Variants in PTGER3 observed in about 807,000 individuals in gnomAD.
PTGER3 encodes the protein prostaglandin E2 receptor EP3 subtype.
PTGER3 carries 22 observed loss-of-function variants against 34.7 expected under a neutral mutation model. That is an observed-to-expected ratio of 0.63 (90% CI 0.45 to 0.91). The LOEUF (loss-of-function observed/expected upper bound fraction) is 0.91, where lower values mean the gene tolerates loss of function less well. Among genes scored for constraint, PTGER3 ranks in the 40% least tolerant of loss-of-function variants. The pLI is 0.00. For missense variants in PTGER3, 468 were observed against 519.4 expected, an observed-to-expected ratio of 0.90 and a Z score of 0.96; for synonymous variants, 241 against 230.1, an observed-to-expected ratio of 1.05 and a Z score of -0.43.
downstream of PTGER3, among the ~76,000 whole-genome samples, chr1:70,968,977 C>A (rs920550074): frequency 6.6e-6 from 1 of 152,022 alleles, no homozygotes; most frequent in South Asian, 2.1e-4. Context: ...GGGGTTGAGG[C>A]GAGTGGATCA....
At chr1:70,999,040 C>T (rs1411227804) in intron 2 of PTGER3, among the ~76,000 whole-genome samples, 1 of 152,136 alleles carries the variant, frequency 6.6e-6, no homozygotes, top group East Asian at 1.9e-4. Context: ...ATTAGCCGGG[C>T]GTGGTGGCGG....
At chr1:71,004,914 A>G (rs982015390) in intron 2 of PTGER3, among the ~76,000 whole-genome samples, 4 of 152,360 alleles carry the variant, frequency 2.6e-5, no homozygotes, top group African/African-American at 9.6e-5. Context: ...ATGCCAGAAC[A>G]GTGCCTATGT....
At chr1:70,861,751 G>A (rs934311711) in intron 4 of PTGER3, among the ~76,000 whole-genome samples, 1 of 151,532 alleles carries the variant, frequency 6.6e-6, no homozygotes, top group South Asian at 2.1e-4. Flanking sequence ...CTTGCTGTGT[G>A]TTTCTCTCTC....
chr1:71,027,768 T>C (rs1288859017), intron 1 of PTGER3, among the ~76,000 whole-genome samples: 3 of 152,124 alleles, frequency 2.0e-5, no homozygotes, highest in Non-Finnish European at 2.9e-5. Context: ...TGAATTTTAA[T>C]TCACCCAATA....
chr1:70,938,864 C>T (rs1398563225), intron 4 of PTGER3, among the ~76,000 whole-genome samples: 1 of 152,088 alleles, frequency 6.6e-6, no homozygotes, highest in Non-Finnish European at 1.5e-5. Context: ...GGGACATGGC[C>T]AAACCATATG....
At chr1:70,868,272 T>C (rs753079880) in intron 4 of PTGER3, among the ~76,000 whole-genome samples, 1 of 152,166 alleles carries the variant, frequency 6.6e-6, no homozygotes, top group Non-Finnish European at 1.5e-5. Flanking sequence ...TGAGAAGACT[T>C]GGGCTTTTCC....
chr1:71,009,738 T>C (rs1657278639), intron 2 of PTGER3: 2 of 985,210 alleles, frequency 2.0e-6, no homozygotes, highest in Non-Finnish European at 2.4e-6. Context: ...TGTCATAATC[T>C]ATACATGCAT....
chr1:71,007,298 T>TA lies in PTGER3; in HGVS notation c.1077+5006dup, dbSNP rs1244222580. The TA allele has an allele frequency of 6.4e-5, 63 of 985,728 alleles. No individual in the cohort carries two copies. The African/African-American group carries it at 1.0e-3, about 16-fold the overall frequency. 61.1% of individuals were successfully genotyped at this position (985,728 alleles called of 1,614,324 possible). On this transcript the variant is annotated intron_variant, in intron 2 of 3. Coordinates refer to ENST00000306666, the MANE Select transcript of PTGER3 (RefSeq NM_198719.2). ...CAGTGCCTATTTTAATTGGTTTGCT[T>TA]AAACAGGCTTACACTATTTGTACAA...
intron 4 of PTGER3, among the ~76,000 whole-genome samples, chr1:70,854,499 G>A (rs995802788): frequency 1.1e-4 from 16 of 152,134 alleles, no homozygotes; most frequent in Admixed American, 9.8e-4. Context: ...TGTCAGAGGA[G>A]GGGCCTGGTG....
chr1:70,876,852 C>T (rs988624576), intron 4 of PTGER3, among the ~76,000 whole-genome samples: 33 of 152,166 alleles, frequency 2.2e-4, no homozygotes, highest in Non-Finnish European at 4.7e-4. Context: ...CTTTTGATTA[C>T]TGTAGCCTTG....
intron 1 of PTGER3, among the ~76,000 whole-genome samples, chr1:71,043,663 T>C (rs1195313915): frequency 6.6e-6 from 1 of 152,228 alleles, no homozygotes; most frequent in Non-Finnish European, 1.5e-5. Context: ...TCTCTCATTT[T>C]AACACTAATA....
chr1:70,909,570 G>A (rs1647020532), intron 4 of PTGER3, among the ~76,000 whole-genome samples: 2 of 152,156 alleles, frequency 1.3e-5, no homozygotes, highest in South Asian at 2.1e-4. Context: ...TATTTTTGAA[G>A]CTCCTCAAGT....
intron 4 of PTGER3, among the ~76,000 whole-genome samples, chr1:70,858,714 C>T (rs759520705): frequency 6.6e-6 from 1 of 152,178 alleles, no homozygotes; most frequent in Non-Finnish European, 1.5e-5. Flanking sequence ...TATCAATATG[C>T]CCTGGGGTCC....
intron 4 of PTGER3, among the ~76,000 whole-genome samples, chr1:70,896,885 G>C (rs1646731574): frequency 6.6e-6 from 1 of 152,124 alleles, no homozygotes; most frequent in Non-Finnish European, 1.5e-5. Context: ...CCAAACCTCA[G>C]AAAATATCCC....
chr1:70,909,537 C>A (rs1364351223), intron 4 of PTGER3, among the ~76,000 whole-genome samples: 1 of 152,134 alleles, frequency 6.6e-6, no homozygotes, highest in Non-Finnish European at 1.5e-5. Flanking sequence ...TGAGTAAATG[C>A]AGAAGATCTC....
intron 4 of PTGER3, among the ~76,000 whole-genome samples, chr1:70,944,592 TA>T (rs1295747751): frequency 6.6e-6 from 1 of 152,140 alleles, no homozygotes. Flanking sequence ...AAAGTCCAGA[TA>T]AACATGGATA....
chr1:70,889,868 CTT>C (rs200848374), intron 4 of PTGER3, among the ~76,000 whole-genome samples: 24 of 143,932 alleles, frequency 1.7e-4, no homozygotes, highest in Admixed American at 2.1e-4. Context: ...GGACAGTTTA[CTT>C]TTTTTTTTTT....
intron 4 of PTGER3, among the ~76,000 whole-genome samples, chr1:70,946,600 C>G (rs941309548): frequency 7.9e-5 from 12 of 152,264 alleles, no homozygotes; most frequent in South Asian, 6.2e-4. Context: ...TCTGCAGAGT[C>G]TGGAATTAGT....
chr1:70,969,529 A>C (rs1175773920), downstream of PTGER3, among the ~76,000 whole-genome samples: 1 of 152,210 alleles, frequency 6.6e-6, no homozygotes, highest in Non-Finnish European at 1.5e-5. Context: ...ATATACAATG[A>C]AAATATTCAA....
Sources: gnomAD v4.1 joint callset for allele counts (sites outside exome capture counted in the v4.1 genomes callset) on GRCh38, gnomAD v4.1.1 for gene constraint, MANE v1.5 for transcripts, NCBI Gene and HGNC (gene_info 2026-07-23, HGNC 2026-07-21) for gene names.